The following MINDY2 variants were observed in gnomAD, a reference collection of about 807,000 sequenced individuals.
MINDY2 encodes the protein MINDY lysine 48 deubiquitinase 2, also known as ubiquitin carboxyl-terminal hydrolase MINDY-2.
MINDY2 carries 52 observed loss-of-function variants against 68.2 expected under a neutral mutation model. The ratio of observed to expected loss-of-function variants is 0.76; its 90% CI spans 0.61 to 0.96. The LOEUF (loss-of-function observed/expected upper bound fraction) is 0.96. MINDY2 is among the 40% of genes least tolerant of loss of function. The pLI is 0.00. For missense variants in MINDY2, 881 were observed against 773.4 expected, an observed-to-expected ratio of 1.14 and a Z score of -1.65; for synonymous variants, 372 against 303.0, an observed-to-expected ratio of 1.23 and a Z score of -2.36.
At chr15:58,812,071 G>C (rs1308345637) in intron 4 of MINDY2, among the ~76,000 whole-genome samples, 4 of 152,172 alleles carry the variant, frequency 2.6e-5, no homozygotes, top group African/African-American at 9.7e-5. Context: ...GGTATGAGGT[G>C]AGAATTTACC....
In MINDY2 at chr15:58,860,629, A is replaced by C. The variant is rs1279125823; in HGVS notation, c.*6019A>C. 2.6e-5 allele frequency: 4 copies of C among 151,852 alleles called. No homozygotes were observed. Among genetic ancestry groups the C allele is most frequent in the African/African-American group, 7.3e-5 (3 of 41,310 alleles). The allele number at this position is 151,852 out of a possible 1,614,324, so 9.4% of individuals were successfully genotyped here. The stretch of plus-strand genomic sequence containing the variant: ...AACTGAAATTCCCATTTAAGTTCTC[A>C]AATCAGTGATCTGTCAAAATAGGCC... On this transcript the variant is annotated 3_prime_UTR_variant, in exon 9 of 9. Coordinates refer to ENST00000559228, the MANE Select transcript of MINDY2 (RefSeq NM_001040450.3).
At chr15:58,821,906 TA>T in intron 5 of MINDY2, 87 bp downstream of exon 5, 1 of 841,322 alleles carries the variant, frequency 1.2e-6, no homozygotes, top group South Asian at 1.7e-5. Flanking sequence ...ATTTCTTAAA[TA>T]AGACTTCTAA....
chr15:58,829,456 G>C (rs2141015979), intron 5 of MINDY2, among the ~76,000 whole-genome samples: 1 of 152,186 alleles, frequency 6.6e-6, no homozygotes, highest in East Asian at 1.9e-4. Flanking sequence ...TATTCTCTCT[G>C]AGCCTATGTC....
At chr15:58,776,653 A>C (rs1348027996) in intron 1 of MINDY2, among the ~76,000 whole-genome samples, 1 of 152,198 alleles carries the variant, frequency 6.6e-6, no homozygotes, top group East Asian at 1.9e-4. Flanking sequence ...CTTTAGAGGA[A>C]AGGAACAACA....
chr15:58,778,331 G>A (rs930511196), intron 1 of MINDY2, among the ~76,000 whole-genome samples: 1 of 151,930 alleles, frequency 6.6e-6, no homozygotes, highest in Admixed American at 6.6e-5. Context: ...TTTTGGTAGG[G>A]AATTCTTTTC....
Position 58,854,480 on chromosome 15 carries a change from A to G in MINDY2, c.1738-2A>G, listed in dbSNP as rs2032984657. On this transcript the variant is annotated splice_acceptor_variant, in intron 8 of 8. Coordinates refer to ENST00000559228, the MANE Select transcript of MINDY2 (RefSeq NM_001040450.3). LOFTEE classifies it high-confidence loss of function. ...ATTTCTTGCTGTATATTTTTCTTAA[A>G]GCAGGGCCAGCCAGCACAAGCCTCT... The G allele has an allele frequency of 6.2e-7, 1 of 1,609,370 alleles. No homozygotes were observed. The highest frequency in any genetic ancestry group is 1.3e-5 in the African/African-American group (1 of 74,546).
intron 8 of MINDY2, among the ~76,000 whole-genome samples, chr15:58,854,027 A>G (rs530025541): frequency 2.0e-5 from 3 of 151,792 alleles, no homozygotes; most frequent in South Asian, 2.1e-4. Context: ...GGCGGATCAC[A>G]AAGTCAGGAG....
intron 8 of MINDY2, among the ~76,000 whole-genome samples, chr15:58,852,292 A>AAAAAAAAAAAG (rs2032858692): frequency 6.7e-6 from 1 of 149,728 alleles, no homozygotes; most frequent in South Asian, 2.1e-4. Context: ...CTTCTCAAAA[A>AAAAAAAAAAAG]AAAAAAAAAA....
At chr15:58,776,016 C>T (rs749809062) in intron 1 of MINDY2, among the ~76,000 whole-genome samples, 2 of 152,018 alleles carry the variant, frequency 1.3e-5, no homozygotes, top group Non-Finnish European at 2.9e-5. Flanking sequence ...TGTGTGCCAC[C>T]ACACCAGCTA....
At position 58,771,781 on chromosome 15, in the gene MINDY2, C is replaced by A; in HGVS notation, c.386C>A (p.Ala129Glu). ...CATGAGTTGGGTACCGCCGGAGACG[C>A]GGGAGCCCGCCCGGATCTCGCCGGC... is the stretch of plus-strand genomic sequence containing the variant. ...VGHELGTAGD[A>E]GARPDLAGTC... is the part of the protein sequence containing the mutation. The change falls in exon 1 of 9, where the codon GCG (alanine) becomes GAG (glutamate). Residue 129 changes from alanine to glutamate, a missense_variant. Ala to Glu is a moderately radical substitution (Grantham distance 107). Coordinates refer to ENST00000559228, the MANE Select transcript of MINDY2 (RefSeq NM_001040450.3). 1 of 1,610,286 alleles carries A rather than the reference C, an allele frequency of 6.2e-7. No homozygotes were observed.
chr15:58,853,014 G>A (rs1386111738), intron 8 of MINDY2, among the ~76,000 whole-genome samples: 2 of 36,536 alleles, frequency 5.5e-5, no homozygotes, highest in African/African-American at 1.1e-4. Flanking sequence ...GTGCAGTGGC[G>A]CAGTCTCGCT....
At chr15:58,789,867 G>A (rs536338675) in intron 2 of MINDY2, among the ~76,000 whole-genome samples, 37 of 152,138 alleles carry the variant, frequency 2.4e-4, no homozygotes, top group African/African-American at 8.9e-4. Flanking sequence ...GGCTTGTCTT[G>A]AACTCCTGAC....
At chr15:58,790,643 A>G (rs1367430063) in intron 2 of MINDY2, among the ~76,000 whole-genome samples, 2 of 152,168 alleles carry the variant, frequency 1.3e-5, no homozygotes, top group South Asian at 2.1e-4. Context: ...CTAGCAAAAG[A>G]TGGTGGCTTT....
At chr15:58,847,537 T>C (rs1397130619) in intron 7 of MINDY2, 67 bp downstream of exon 7, 1 of 1,369,756 alleles carries the variant, frequency 7.3e-7, no homozygotes, top group Non-Finnish European at 9.8e-7. Context: ...AATTCATGTA[T>C]CCAAAATTTT....
intron 6 of MINDY2, among the ~76,000 whole-genome samples, chr15:58,845,805 TGACA>T (rs1192890262): frequency 6.6e-6 from 1 of 152,186 alleles, no homozygotes; most frequent in Non-Finnish European, 1.5e-5. Flanking sequence ...CTGTGTCCAT[TGACA>T]GACAAGTGGA....
At chr15:58,836,544 C>T (rs1243177877) in intron 6 of MINDY2, among the ~76,000 whole-genome samples, 1 of 152,088 alleles carries the variant, frequency 6.6e-6, no homozygotes, top group Non-Finnish European at 1.5e-5. Flanking sequence ...CCTATTGTAC[C>T]AGCTTTCCAA....
Position 58,859,048 on chromosome 15 carries a change from GCA to G in MINDY2, c.*4442_*4443del, listed in dbSNP as rs1272717077. 1.3e-5 allele frequency: 2 copies of G among 151,960 alleles called. No individual in the cohort carries two copies. Among genetic ancestry groups the G allele is most frequent in the East Asian group, 3.9e-4 (2 of 5,190 alleles). The allele number at this position is 151,960 out of a possible 1,614,324, so 9.4% of individuals were successfully genotyped here. A position where few individuals can be genotyped will look rare whatever the true frequency, so the allele number is the denominator to read the frequency against. On this transcript the variant is annotated 3_prime_UTR_variant, in exon 9 of 9. Transcript: ENST00000559228. ...TTACACATCCTATGTTCTTGAATGT[GCA>G]CACTTTTTTCTCAATAACAAAATAT...
chr15:58,775,122 T>C (rs1423832764), intron 1 of MINDY2, among the ~76,000 whole-genome samples: 12 of 152,232 alleles, frequency 7.9e-5, no homozygotes, highest in African/African-American at 2.9e-4. Context: ...CTTACTCTCT[T>C]ACAAGTGTCC....
At chr15:58,807,480 C>G (rs1484194140) in intron 3 of MINDY2, among the ~76,000 whole-genome samples, 1 of 151,592 alleles carries the variant, frequency 6.6e-6, no homozygotes, top group Non-Finnish European at 1.5e-5. Flanking sequence ...CTCAGCCTCC[C>G]GAGTAGCTGA....
Sources: gnomAD v4.1 joint callset for allele counts (sites outside exome capture counted in the v4.1 genomes callset) on GRCh38, gnomAD v4.1.1 for gene constraint, MANE v1.5 for transcripts, NCBI Gene and HGNC (gene_info 2026-07-23, HGNC 2026-07-21) for gene names.